LRRC4C: variants seen among roughly 807,000 people sequenced by gnomAD.
LRRC4C encodes leucine-rich repeat-containing protein 4C.
LRRC4C carries 5 observed loss-of-function variants against 33.6 expected under a neutral mutation model. The observed-to-expected ratio is 0.15, with a 90% CI of 0.08 to 0.31. The LOEUF (loss-of-function observed/expected upper bound fraction) is 0.31. Ranked by LOEUF, LRRC4C falls within the 10% of genes least tolerant of loss-of-function variation. The pLI is 1.00. For synonymous variants in LRRC4C, 329 were observed against 302.0 expected (o/e 1.09, Z -0.93); for missense variants, 560 against 796.7 (o/e 0.70, Z 3.58).
chr11:40,349,546 T>C (rs1947292893), intron 3 of LRRC4C, among the ~76,000 whole-genome samples: 1 of 152,132 alleles, frequency 6.6e-6, no homozygotes, highest in South Asian at 2.1e-4. Context: ...AGTGCAGATA[T>C]TTCTTCAATA....
At chr11:40,439,747 C>T (rs949762971) in intron 3 of LRRC4C, among the ~76,000 whole-genome samples, 7 of 152,094 alleles carry the variant, frequency 4.6e-5, no homozygotes, top group South Asian at 2.1e-4. Flanking sequence ...CCACCGGGCC[C>T]GGCCCCTTTA....
intron 1 of LRRC4C, among the ~76,000 whole-genome samples, chr11:40,965,365 T>C (rs1490650809): frequency 1.3e-5 from 2 of 152,144 alleles, no homozygotes; most frequent in Non-Finnish European, 2.9e-5. Context: ...AGAAGCTCTT[T>C]AGTTTAATGA....
chr11:40,453,195 T>C (rs902616065), intron 3 of LRRC4C, among the ~76,000 whole-genome samples: 5 of 151,908 alleles, frequency 3.3e-5, no homozygotes, highest in Admixed American at 2.6e-4. Context: ...AAAATGTTGA[T>C]TGGAATCTCA....
At chr11:40,890,445 G>A (rs1955650759) in intron 2 of LRRC4C, among the ~76,000 whole-genome samples, 1 of 152,026 alleles carries the variant, frequency 6.6e-6, no homozygotes, top group Non-Finnish European at 1.5e-5. Flanking sequence ...ACTCATGAGG[G>A]CAAAGGCCTC....
chr11:41,140,103 T>C (rs1487226173), intron 1 of LRRC4C, among the ~76,000 whole-genome samples: 2 of 152,134 alleles, frequency 1.3e-5, no homozygotes, highest in Admixed American at 6.6e-5. Flanking sequence ...CTTTCTGACT[T>C]TGAGCTTCTT....
rs61886571 is a variant in LRRC4C, at chr11:40,845,485, C to A, written c.-407+88150G>T. Among the ~76,000 whole-genome samples, 1,291 of 152,278 alleles carry A rather than the reference C, an allele frequency of 8.5e-3. 10 individuals are homozygous for A. The highest frequency in any genetic ancestry group is 0.024 in the Middle Eastern group (7 of 292). ...TGAGGACAATGGTTTCCAGCTTCAT[C>A]CATGTCCCTGCAAAGGACATGAACT... On this transcript the variant is annotated intron_variant, in intron 2 of 6. Transcript: ENST00000528697.
chr11:40,597,792 T>A (rs541949515), intron 3 of LRRC4C, among the ~76,000 whole-genome samples: 2 of 152,280 alleles, frequency 1.3e-5, no homozygotes, highest in East Asian at 3.9e-4. Flanking sequence ...CACGTTGACA[T>A]CGCAGTCAGC....
At chr11:41,441,425 G>A (rs913874012) in intron 1 of LRRC4C, among the ~76,000 whole-genome samples, 1 of 151,928 alleles carries the variant, frequency 6.6e-6, no homozygotes. Flanking sequence ...AGGATCCCAT[G>A]CCATGGTTTA....
intron 2 of LRRC4C, among the ~76,000 whole-genome samples, chr11:40,865,214 T>G (rs1278107656): frequency 2.0e-5 from 3 of 152,126 alleles, no homozygotes; most frequent in Non-Finnish European, 4.4e-5. Flanking sequence ...CTCACCCATA[T>G]GTGCAAACTA....
intron 1 of LRRC4C, among the ~76,000 whole-genome samples, chr11:40,955,214 A>G (rs1486506943): frequency 6.6e-6 from 1 of 151,888 alleles, no homozygotes; most frequent in Non-Finnish European, 1.5e-5. Context: ...ACAGCCCAAG[A>G]GATTCAATTT....
At chr11:40,702,947 T>C (rs1193041729) in intron 2 of LRRC4C, among the ~76,000 whole-genome samples, 1 of 152,156 alleles carries the variant, frequency 6.6e-6, no homozygotes, top group Non-Finnish European at 1.5e-5. Flanking sequence ...AGGAAATTAC[T>C]GGCCACAGAA....
intron 1 of LRRC4C, among the ~76,000 whole-genome samples, chr11:40,959,240 C>A (rs1436676392): frequency 6.6e-6 from 1 of 151,552 alleles, no homozygotes; most frequent in Non-Finnish European, 1.5e-5. Flanking sequence ...AGAAACAGAA[C>A]TCAACACAGT....
chr11:41,434,147 A>G (rs1955341725), intron 1 of LRRC4C, among the ~76,000 whole-genome samples: 1 of 152,116 alleles, frequency 6.6e-6, no homozygotes, highest in African/African-American at 2.4e-5. Context: ...AGATCTTCCT[A>G]GAAATGCACA....
intron 2 of LRRC4C, among the ~76,000 whole-genome samples, chr11:40,868,198 TGG>T (rs1954465909): frequency 6.6e-6 from 1 of 151,990 alleles, no homozygotes; most frequent in Non-Finnish European, 1.5e-5. Flanking sequence ...TCACAGGGGT[TGG>T]GGGAGAGAAG....
At chr11:40,172,006 G>T (rs575834473) in intron 5 of LRRC4C, among the ~76,000 whole-genome samples, 5 of 152,284 alleles carry the variant, frequency 3.3e-5, no homozygotes, top group African/African-American at 9.6e-5. Flanking sequence ...AACAGAGTTA[G>T]ACTCCGTCTC....
intron 2 of LRRC4C, among the ~76,000 whole-genome samples, chr11:40,768,713 T>A (rs1409269767): frequency 6.6e-6 from 1 of 152,120 alleles, no homozygotes; most frequent in Non-Finnish European, 1.5e-5. Context: ...TGATACATTG[T>A]ATTAACAGAA....
At chr11:40,910,721 C>T (rs1408489696) in intron 2 of LRRC4C, among the ~76,000 whole-genome samples, 1 of 152,154 alleles carries the variant, frequency 6.6e-6, no homozygotes, top group African/African-American at 2.4e-5. Flanking sequence ...GTGCAGTGCA[C>T]CGAGCTTGAG....
intron 2 of LRRC4C, among the ~76,000 whole-genome samples, chr11:40,900,289 G>C (rs1442251332): frequency 6.6e-6 from 1 of 152,020 alleles, no homozygotes; most frequent in Non-Finnish European, 1.5e-5. Context: ...TTTGAAACGT[G>C]CCCATCAATT....
chr11:40,298,523 T>A (rs1279509310), intron 4 of LRRC4C, among the ~76,000 whole-genome samples: 1 of 151,206 alleles, frequency 6.6e-6, no homozygotes, highest in Non-Finnish European at 1.5e-5. Flanking sequence ...AAGCAGAAGA[T>A]CATGAGTACC....
Sources: gnomAD v4.1 joint callset for allele counts (sites outside exome capture counted in the v4.1 genomes callset) on GRCh38, gnomAD v4.1.1 for gene constraint, MANE v1.5 for transcripts, NCBI Gene and HGNC (gene_info 2026-07-23, HGNC 2026-07-21) for gene names.